OR1D2: variants seen among roughly 807,000 people sequenced by gnomAD.
OR1D2 encodes the protein olfactory receptor 1D2.
For missense variants in OR1D2, 357 were observed against 376.1 expected (o/e 0.95, Z 0.42); for synonymous variants, 157 against 153.9 (o/e 1.02, Z -0.15).
Position 3,097,427 on chromosome 17 carries a change from C to T in OR1D2, c.-50-4381G>A, listed in dbSNP as rs141108180. ...TAGTGCTGTTTGCCAATGGTATGAT[C>T]GTATGCTGAGAAAGCTCTAAATACG... On this transcript the variant is annotated intron_variant, in intron 1 of 1. Coordinates refer to ENST00000641833, the MANE Select transcript of OR1D2 (RefSeq NM_002548.3). Among the ~76,000 whole-genome samples, 185 of 152,278 alleles carry T rather than the reference C, an allele frequency of 1.2e-3. 1 individual carries two copies. Among genetic ancestry groups the T allele is most frequent in the African/African-American group, 4.2e-3 (176 of 41,554 alleles).
Position 3,092,355 on chromosome 17 carries a change from C to T in OR1D2, c.642G>A (p.Val214=), listed in dbSNP as rs1250475198. The T allele has an allele frequency of 6.2e-7, 1 of 1,614,094 alleles. No individual in the cohort carries two copies. The highest frequency in any genetic ancestry group is 8.5e-7 in the Non-Finnish European group (1 of 1,180,018). Residue 214 remains valine (V), a synonymous_variant, in exon 2 of 2, where the codon GTG becomes GTA. Coordinates refer to ENST00000641833, the MANE Select transcript of OR1D2 (RefSeq NM_002548.3). ...CFIFLIPFGF[V]IISYVLIIRA... ...TGATAATCAGCACATAGGAAATGAT[C>T]ACGAATCCAAAGGGAATGAGGAAGA...
chr17:3,097,390 A>G (rs1017818289), intron 1 of OR1D2, among the ~76,000 whole-genome samples: 2 of 152,228 alleles, frequency 1.3e-5, no homozygotes, highest in Non-Finnish European at 2.9e-5. Flanking sequence ...CCAAATTGGA[A>G]AAGAGTCAAA....
intron 1 of OR1D2, among the ~76,000 whole-genome samples, chr17:3,094,381 A>G (rs1235082476): frequency 3.3e-5 from 5 of 152,104 alleles, no homozygotes; most frequent in Non-Finnish European, 1.5e-5. Context: ...AAATCAAAAA[A>G]GAAAAAAGAA....
chr17:3,092,707 C>A lies in OR1D2; in HGVS notation c.290G>T (p.Cys97Phe). 1 of 1,614,116 alleles carries A rather than the reference C, an allele frequency of 6.2e-7. No individual in the cohort carries two copies. The highest frequency in any genetic ancestry group is 8.5e-7 in the Non-Finnish European group (1 of 1,180,036). ...GACCAGGAAGTAGAGCTGTGTCAGA[C>A]ACCCTGCATAGGAGATGGCTTTGTT... ...SHNKAISYAG[C>F]LTQLYFLVSL... The change falls in exon 2 of 2, where the codon TGT becomes TTT. Residue 97 changes from cysteine (C) to phenylalanine (F), a missense_variant. Cys to Phe is a radical substitution (Grantham distance 205). Transcript: ENST00000641833.
chr17:3,103,248 C>T (rs112619112), intron 1 of OR1D2, among the ~76,000 whole-genome samples: 2 of 151,872 alleles, frequency 1.3e-5, no homozygotes, highest in Non-Finnish European at 2.9e-5. Flanking sequence ...CTTTCTTTTC[C>T]TTTCTTTTTT....
chr17:3,097,680 C>T (rs1030558083), intron 1 of OR1D2, among the ~76,000 whole-genome samples: 1 of 152,188 alleles, frequency 6.6e-6, no homozygotes, highest in African/African-American at 2.4e-5. Context: ...AAAACTAGCA[C>T]CATAGCTGCA....
In OR1D2 at chr17:3,092,474, G is replaced by A. The variant is rs138968511; in HGVS notation, c.523C>T (p.His175Tyr). 7.5e-4 allele frequency: 1,204 copies of A among 1,614,174 alleles called. 1 individual carries two copies. Among genetic ancestry groups the A allele is most frequent in the Non-Finnish European group, 6.2e-4 (735 of 1,180,034 alleles). Residue 175 changes from histidine to tyrosine, a missense_variant, in exon 2 of 2, where the codon CAC becomes TAC. His to Tyr is a moderately conservative substitution (Grantham distance 83). Transcript: ENST00000641833. ...RVTFCGSRKI[H>Y]YIFCEMYVLL... ...ACATACATCTCACAGAAGATGTAGT[G>A]GATTTTTCGTGACCCACAGAAGGTC...
intron 1 of OR1D2, among the ~76,000 whole-genome samples, chr17:3,095,542 C>T (rs1454356791): frequency 6.6e-6 from 1 of 151,890 alleles, no homozygotes; most frequent in Non-Finnish European, 1.5e-5. Flanking sequence ...TAAGTTACCT[C>T]AGATGATAAT....
intron 1 of OR1D2, among the ~76,000 whole-genome samples, chr17:3,099,416 C>A (rs1482986914): frequency 6.6e-6 from 1 of 152,106 alleles, no homozygotes; most frequent in East Asian, 1.9e-4. Flanking sequence ...ATTTCATATC[C>A]TGCCAAACTA....
chr17:3,103,808 C>A (rs2047884851), intron 1 of OR1D2, among the ~76,000 whole-genome samples: 1 of 152,050 alleles, frequency 6.6e-6, no homozygotes, highest in African/African-American at 2.4e-5. Context: ...GCTGTATGAC[C>A]TTGAGTAGGG....
At chr17:3,093,208 A>G (rs1048428814) in intron 1 of OR1D2, among the ~76,000 whole-genome samples, 162 bp from the exon 2 acceptor site, 2 of 152,190 alleles carry the variant, frequency 1.3e-5, no homozygotes, top group African/African-American at 2.4e-5. Context: ...TGGGAAACTC[A>G]ATGTTAAAGG....
In OR1D2 at chr17:3,092,194, A is replaced by T. The variant is rs763563515; in HGVS notation, c.803T>A (p.Val268Glu). Residue 268 changes from valine to glutamate, a missense_variant, in exon 2 of 2, where the codon GTG becomes GAG. By Grantham distance (121) the Val-to-Glu change is moderately radical. Coordinates refer to ENST00000641833, the MANE Select transcript of OR1D2 (RefSeq NM_002548.3). Reference sequence around the variant, plus strand: ...CATCACTGTGGCTACTGAGTCCTTCACAGAGTAGGTATGGAGGGGCTTTAG... The same window carrying T: ...CATCACTGTGGCTACTGAGTCCTTCTCAGAGTAGGTATGGAGGGGCTTTAG... The part of the protein sequence containing the change: ...VYLKPLHTYS[V>E]KDSVATVMYA... 7.7e-5 allele frequency: 124 copies of T among 1,614,068 alleles called. No homozygotes were observed. The highest frequency in any genetic ancestry group is 1.0e-4 in the Non-Finnish European group (121 of 1,180,034).
At chr17:3,100,757 A>G (rs1234232621) in intron 1 of OR1D2, among the ~76,000 whole-genome samples, 1 of 152,194 alleles carries the variant, frequency 6.6e-6, no homozygotes, top group Non-Finnish European at 1.5e-5. Context: ...AAAAATTAAC[A>G]AAATGGATAG....
chr17:3,101,209 G>C (rs951389840), intron 1 of OR1D2, among the ~76,000 whole-genome samples: 1 of 151,932 alleles, frequency 6.6e-6, no homozygotes, highest in African/African-American at 2.4e-5. Context: ...ACCTCACAGA[G>C]ACATAACAAA....
intron 1 of OR1D2, among the ~76,000 whole-genome samples, chr17:3,093,680 A>G (rs1279743279): frequency 6.6e-6 from 1 of 152,190 alleles, no homozygotes; most frequent in African/African-American, 2.4e-5. Flanking sequence ...TTATTGTTAT[A>G]TTTAACGAGA....
Position 3,091,835 on chromosome 17 carries a change from C to G in OR1D2, c.*223G>C, listed in dbSNP as rs2047810813. On this transcript the variant is annotated 3_prime_UTR_variant, in exon 2 of 2. Transcript: ENST00000641833. ...TACATTGAAGAATTTGACCCTGCAA[C>G]ATTCTAGTGTTGGTGTTAGTGTGAC... is the stretch of plus-strand genomic sequence containing the variant. 1 of 465,112 alleles carries G rather than the reference C, an allele frequency of 2.2e-6. No individual in the cohort carries two copies. Among genetic ancestry groups the G allele is most frequent in the South Asian group, 3.8e-5 (1 of 26,580 alleles). The allele number at this position is 465,112 out of a possible 1,614,324, so 28.8% of individuals were successfully genotyped here.
At chr17:3,101,232 C>G (rs1375602041) in intron 1 of OR1D2, among the ~76,000 whole-genome samples, 6 of 152,100 alleles carry the variant, frequency 3.9e-5, no homozygotes, top group African/African-American at 1.4e-4. Context: ...AAGAAGTCTT[C>G]AGGCCAATAT....
rs539415782 is a variant in OR1D2, at chr17:3,100,785, C to T, written c.-51+3314G>A. 1.5e-4 allele frequency among the ~76,000 whole-genome samples: 23 copies of T among 151,680 alleles called. No individual in the cohort carries two copies. In the East Asian group the frequency reaches 2.7e-3, roughly 18 times the overall value. ...ATGGATAGACTGCTAGCTAGACTAA[C>T]GAAGAAGAAAAGAGAGAAGAACCAA... is the stretch of plus-strand genomic sequence containing the variant. On this transcript the variant is annotated intron_variant, in intron 1 of 1. Transcript: ENST00000641833.
intron 1 of OR1D2, among the ~76,000 whole-genome samples, chr17:3,096,056 G>C (rs2047843423): frequency 6.6e-6 from 1 of 151,994 alleles, no homozygotes; most frequent in African/African-American, 2.4e-5. Flanking sequence ...GTAGACTTTA[G>C]AGCAACCACT....
Sources: gnomAD v4.1 joint callset for allele counts (sites outside exome capture counted in the v4.1 genomes callset) on GRCh38, gnomAD v4.1.1 for gene constraint, MANE v1.5 for transcripts, NCBI Gene and HGNC (gene_info 2026-07-23, HGNC 2026-07-21) for gene names.